Variants in ZNF423 observed in about 807,000 individuals in gnomAD.
ZNF423 encodes the protein Ebf-associated zinc finger protein.
A neutral mutation model predicts 95.8 loss-of-function variants in ZNF423; 12 were observed. The ratio of observed to expected loss-of-function variants is 0.13; its 90% CI spans 0.08 to 0.20. ZNF423 has a LOEUF of 0.20. ZNF423 is among the 10% of genes least tolerant of loss of function. ZNF423 has a pLI of 1.00. For synonymous variants in ZNF423, 749 were observed against 711.9 expected (o/e 1.05, Z -0.83); for missense variants, 1,316 against 1,737.1 (o/e 0.76, Z 4.31).
chr16:49,730,679 A>T, intron 3 of ZNF423, 92 bp downstream of exon 3: 1 of 1,320,638 alleles, frequency 7.6e-7, no homozygotes, highest in Non-Finnish European at 1.1e-6. Context: ...TTACATTATT[A>T]ATTCTTTAAT....
At chr16:49,665,713 G>C (rs573359448) in intron 3 of ZNF423, among the ~76,000 whole-genome samples, 4 of 152,148 alleles carry the variant, frequency 2.6e-5, no homozygotes, top group Non-Finnish European at 4.4e-5. Context: ...CCCCCCATCA[G>C]CACCTCTGGA....
intron 7 of ZNF423, among the ~76,000 whole-genome samples, chr16:49,494,591 T>C (rs1473878351): frequency 6.6e-6 from 1 of 152,192 alleles, no homozygotes; most frequent in Non-Finnish European, 1.5e-5. Flanking sequence ...CTGGTCAAGG[T>C]CACCCGATCA....
intron 7 of ZNF423, among the ~76,000 whole-genome samples, chr16:49,521,596 C>T (rs773828239): frequency 2.0e-5 from 3 of 152,188 alleles, no homozygotes; most frequent in Non-Finnish European, 2.9e-5. Context: ...GTCACTAGCT[C>T]AGTGGTGGCC....
chr16:49,768,628 T>C (rs1201912548), intron 2 of ZNF423, among the ~76,000 whole-genome samples: 1 of 152,060 alleles, frequency 6.6e-6, no homozygotes, highest in Non-Finnish European at 1.5e-5. Flanking sequence ...CAGTCTCTCC[T>C]CATCATCCCA....
chr16:49,548,027 G>C (rs1969502296), intron 5 of ZNF423, among the ~76,000 whole-genome samples: 1 of 152,186 alleles, frequency 6.6e-6, no homozygotes, highest in Non-Finnish European at 1.5e-5. Context: ...TCATTGCCAT[G>C]GAAAATGTAT....
upstream of ZNF423, chr16:49,856,279 A>T (rs1453977590): frequency 7.1e-6 from 1 of 141,356 alleles, no homozygotes; most frequent in Non-Finnish European, 1.5e-5. Flanking sequence ...ATTTTTGTGC[A>T]AAGTTTGCAG....
At chr16:49,517,788 C>T in intron 7 of ZNF423, 1 of 354,822 alleles carries the variant, frequency 2.8e-6, no homozygotes, top group South Asian at 2.2e-5. Context: ...AACTCTGTGA[C>T]TCGTTGTTGT....
At chr16:49,502,641 C>A (rs960993675) in intron 7 of ZNF423, among the ~76,000 whole-genome samples, 1 of 152,028 alleles carries the variant, frequency 6.6e-6, no homozygotes, top group African/African-American at 2.4e-5. Flanking sequence ...CTCCCTTCTA[C>A]CCTCCACAGT....
intron 3 of ZNF423, among the ~76,000 whole-genome samples, chr16:49,696,491 C>T (rs2031976181): frequency 6.6e-6 from 1 of 152,354 alleles, no homozygotes; most frequent in South Asian, 2.1e-4. Flanking sequence ...ATCAGCCCCG[C>T]TCTCAAGGTG....
chr16:49,790,091 C>A (rs142164977), intron 1 of ZNF423, among the ~76,000 whole-genome samples: 4 of 152,316 alleles, frequency 2.6e-5, no homozygotes, highest in African/African-American at 9.6e-5. Flanking sequence ...TAAGCCCAGG[C>A]TGGTAGAGGC....
chr16:49,501,501 T>C (rs1209365176), intron 7 of ZNF423, among the ~76,000 whole-genome samples: 2 of 152,088 alleles, frequency 1.3e-5, no homozygotes, highest in Non-Finnish European at 2.9e-5. Flanking sequence ...TGAACTACCA[T>C]TCAACCCAGC....
chr16:49,680,314 T>C (rs1224742195), intron 3 of ZNF423, among the ~76,000 whole-genome samples: 3 of 152,240 alleles, frequency 2.0e-5, no homozygotes, highest in Admixed American at 6.5e-5. Context: ...CTGTCACTCA[T>C]TGAAGCTCCT....
At chr16:49,507,253 ACCACAGGGCT>A (rs1239784211) in intron 7 of ZNF423, among the ~76,000 whole-genome samples, 1 of 152,180 alleles carries the variant, frequency 6.6e-6, no homozygotes, top group Non-Finnish European at 1.5e-5. Context: ...ACTAATACTA[ACCACAGGGCT>A]TTGTCATCTC....
chr16:49,731,006 A>G (rs768499555), intron 2 of ZNF423, 35 bp from the exon 3 acceptor site: 1 of 1,607,718 alleles, frequency 6.2e-7, no homozygotes, highest in East Asian at 2.2e-5. Context: ...ATGTCAGCTG[A>G]TGGGGTCTTG....
Position 49,638,274 on chromosome 16 carries a change from G to T in ZNF423, c.902C>A (p.Ala301Glu), listed in dbSNP as rs569005398. The change falls in exon 4 of 8, where the codon GCG becomes GAG. Residue 301 changes from alanine (A) to glutamate (E), a missense_variant. Physicochemically the swap from Ala to Glu is moderately radical, Grantham distance 107. Coordinates refer to ENST00000563137, the MANE Select transcript of ZNF423 (RefSeq NM_001379286.1). The surrounding 1 kb of genome is among the most constrained non-coding windows in gnomAD (Gnocchi z 5.6). ...LTRHPQLSEK[A>E]DLQCIHCPEV... ...AGGGCAGTGAATGCACTGCAGGTCC[G>T]CCTTCTCGGACAGCTGCGGGTGGCG... The T allele has an allele frequency of 2.5e-6, 4 of 1,613,000 alleles. No homozygotes were observed. The highest frequency in any genetic ancestry group is 2.7e-5 in the African/African-American group (2 of 74,926).
chr16:49,625,365 A>T (rs1876003), intron 5 of ZNF423, among the ~76,000 whole-genome samples: 32,219 of 152,170 alleles, frequency 0.21, 3,520 homozygotes, highest in Admixed American at 0.25. Context: ...ATAAAAAATT[A>T]ACAAAAAGAT....
chr16:49,698,528 G>A (rs2032058075), intron 3 of ZNF423, among the ~76,000 whole-genome samples: 1 of 152,228 alleles, frequency 6.6e-6, no homozygotes, highest in African/African-American at 2.4e-5. Flanking sequence ...CTGCCACGCC[G>A]CCCGCCTGGG....
In ZNF423 at chr16:49,489,872, A is replaced by C. The variant is rs538046940; in HGVS notation, c.*1403T>G. On this transcript the variant is annotated 3_prime_UTR_variant, in exon 8 of 8. Transcript: ENST00000563137. The stretch of plus-strand genomic sequence containing the variant: ...GTAACATGGAGGAGGCCTGGAGACC[A>C]AGGCTGCTGGGTGGGCCCTGGGAGG... The C allele has an allele frequency of 1.3e-5, 2 of 152,548 alleles. No individual in the cohort carries two copies. The highest frequency in any genetic ancestry group is 2.9e-5 in the Non-Finnish European group (2 of 68,198). 9.4% of individuals were successfully genotyped at this position (152,548 alleles called of 1,614,324 possible).
chr16:49,668,349 ACT>A (rs2030640133), intron 3 of ZNF423, among the ~76,000 whole-genome samples: 2 of 152,112 alleles, frequency 1.3e-5, no homozygotes, highest in Admixed American at 1.3e-4. Flanking sequence ...TCAGAGGCTG[ACT>A]CTGCAAACCT....
Sources: gnomAD v4.1 joint callset for allele counts (sites outside exome capture counted in the v4.1 genomes callset) on GRCh38, gnomAD v4.1.1 for gene constraint, Gnocchi (gnomAD v3.1) non-coding constraint, MANE v1.5 for transcripts, NCBI Gene and HGNC (gene_info 2026-07-23, HGNC 2026-07-21) for gene names.